The following VPS13C variants were observed in gnomAD, a reference collection of about 807,000 sequenced individuals.
VPS13C encodes intermembrane lipid transfer protein VPS13C.
Under a neutral mutation model 456.8 loss-of-function variants are expected in VPS13C, and 358 were observed. The ratio of observed to expected loss-of-function variants is 0.78; its 90% confidence interval spans 0.72 to 0.86. The LOEUF (loss-of-function observed/expected upper bound fraction) is 0.86. VPS13C is among the 40% of genes least tolerant of loss of function. The pLI, the probability that VPS13C is intolerant of heterozygous loss-of-function variation, is 0.00. For missense variants in VPS13C, 4,818 were observed against 4,385.4 expected, an observed-to-expected ratio of 1.10 and a Z score of -2.79; for synonymous variants, 1,578 against 1,486.7, an observed-to-expected ratio of 1.06 and a Z score of -1.41.
chr15:61,862,888 T>C (rs11629851), intron 82 of VPS13C, among the ~76,000 whole-genome samples: 8,756 of 152,198 alleles, frequency 0.058, 312 homozygotes, highest in Non-Finnish European at 0.08. Context: ...AAATTATTAA[T>C]ATATAATTGT....
intron 12 of VPS13C, 53 bp from the exon 13 acceptor site, chr15:62,010,652 C>T (rs1228423299): frequency 6.8e-7 from 1 of 1,470,868 alleles, no homozygotes; most frequent in African/African-American, 1.4e-5. Flanking sequence ...TACATATAAA[C>T]AAGTGTAAAT....
rs1224305513 is a variant in VPS13C, at chr15:61,884,156, C to A, written c.9455G>T (p.Gly3152Val). 4 of 1,600,874 alleles carry A rather than the reference C, an allele frequency of 2.5e-6. No homozygotes were observed. Among genetic ancestry groups the A allele is most frequent in the Non-Finnish European group, 3.4e-6 (4 of 1,175,168 alleles). The change falls in exon 68 of 85, where the codon GGC becomes GTC. Residue 3152 changes from glycine to valine, a missense_variant. Around this residue, in one of 3 missense-constraint regions of VPS13C, gnomAD observed 4,552 missense variants for 4,130.6 expected, o/e 1.10. Transcript: ENST00000644861. ...AAAATTATTATCTAGCTTAATCCAGCCATGGTCTCTTGATATTTGATGTTT... is the reference window on the plus strand; with the variant it reads ...AAAATTATTATCTAGCTTAATCCAGACATGGTCTCTTGATATTTGATGTTT... ...YQKHQISRDHGWIKLDNNFEV... is the reference protein window; with the variant it reads ...YQKHQISRDHVWIKLDNNFEV...
intron 3 of VPS13C, among the ~76,000 whole-genome samples, chr15:62,040,826 T>C (rs1456551304): frequency 1.3e-5 from 2 of 152,176 alleles, no homozygotes; most frequent in African/African-American, 4.8e-5. Flanking sequence ...AAGATATATA[T>C]TTACTTATAG....
intron 66 of VPS13C, among the ~76,000 whole-genome samples, chr15:61,901,126 CT>C (rs1190943621): frequency 5.3e-5 from 8 of 151,210 alleles, no homozygotes; most frequent in Non-Finnish European, 1.2e-4. Flanking sequence ...GGATTAAAGA[CT>C]TAAACGTTAG....
At chr15:62,005,401 C>T (rs2046797112) in intron 15 of VPS13C, among the ~76,000 whole-genome samples, 8 of 152,096 alleles carry the variant, frequency 5.3e-5, no homozygotes, top group Admixed American at 3.9e-4. Context: ...TATTTTGAGC[C>T]TATTTTTGTC....
Position 62,007,469 on chromosome 15 carries a change from C to T in VPS13C, c.1129G>A (p.Ala377Thr), listed in dbSNP as rs114643287. The T allele has an allele frequency of 1.3e-6, 2 of 1,573,554 alleles. No individual in the cohort carries two copies. Among genetic ancestry groups the T allele is most frequent in the African/African-American group, 2.7e-5 (2 of 73,472 alleles). Reference sequence around the variant, plus strand: ...TGAACTTCAAGAACAGAATCAATTGCATATTTCCACCTGAAAATCAAATTT... The same window carrying T: ...TGAACTTCAAGAACAGAATCAATTGTATATTTCCACCTGAAAATCAAATTT... ...HTNGRRWWKY[A>T]IDSVLEVHIR... is the part of the protein sequence containing the mutation. The change falls in exon 15 of 85, where the codon GCA becomes ACA. Residue 377 changes from alanine to threonine, a missense_variant. Ala to Thr is a moderately conservative substitution (Grantham distance 58, BLOSUM62 0). Transcript: ENST00000644861.
chr15:61,942,807 T>C (rs1212201102), intron 45 of VPS13C, among the ~76,000 whole-genome samples: 1 of 151,992 alleles, frequency 6.6e-6, no homozygotes, highest in African/African-American at 2.4e-5. Flanking sequence ...AAAGTAAACA[T>C]GATGGTTTAA....
intron 16 of VPS13C, among the ~76,000 whole-genome samples, chr15:61,994,665 C>A (rs1476642349): frequency 6.6e-6 from 1 of 151,806 alleles, no homozygotes; most frequent in African/African-American, 2.4e-5. Context: ...TCTCGGCTCA[C>A]TGCAACCTCC....
chr15:61,863,673 C>T, intron 81 of VPS13C, 145 bp from the exon 82 acceptor site: 1 of 479,646 alleles, frequency 2.1e-6, no homozygotes, highest in Non-Finnish European at 3.7e-6. Context: ...GTACATGAAG[C>T]TAGAAAAATA....
chr15:62,025,728 A>T (rs1266836232), intron 6 of VPS13C, among the ~76,000 whole-genome samples: 1 of 152,120 alleles, frequency 6.6e-6, no homozygotes, highest in African/African-American at 2.4e-5. Context: ...AATCCAATAA[A>T]TAATAAATTT....
intron 50 of VPS13C, among the ~76,000 whole-genome samples, chr15:61,930,889 T>C (rs1416302791): frequency 6.6e-6 from 1 of 152,242 alleles, no homozygotes; most frequent in East Asian, 1.9e-4. Context: ...TACTCCATTT[T>C]ATAATTAAAC....
chr15:61,984,122 T>C, intron 19 of VPS13C, 110 bp from the exon 20 acceptor site: 1 of 955,630 alleles, frequency 1.0e-6, no homozygotes, highest in Admixed American at 2.6e-5. Context: ...GGACCATCCA[T>C]GCACATTATC....
At chr15:61,881,949 G>A in intron 69 of VPS13C, 121 bp from the exon 70 acceptor site, 1 of 856,744 alleles carries the variant, frequency 1.2e-6, no homozygotes, top group Non-Finnish European at 1.8e-6. Flanking sequence ...TGTATATGCG[G>A]TGTAATTAGA....
Position 61,966,107 on chromosome 15 carries a change from A to T in VPS13C, c.3027T>A (p.Phe1009Leu), listed in dbSNP as rs1156793169. ...CCTTAACTGTTTGTTCAGTTTTTCC[A>T]AAAGCAGTTTGAAAACTAGGTCCAT... Reference protein sequence around the residue: ...DKNGPSFQTAFGKTEQTVKVA... With the variant: ...DKNGPSFQTALGKTEQTVKVA... The change falls in exon 30 of 85, where the codon TTT becomes TTA. Residue 1009 changes from phenylalanine to leucine, a missense_variant. Phe to Leu is a conservative substitution (Grantham distance 22). Transcript: ENST00000644861. 1 of 1,606,010 alleles carries T rather than the reference A, an allele frequency of 6.2e-7. No individual in the cohort carries two copies. The highest frequency in any genetic ancestry group is 1.3e-5 in the African/African-American group (1 of 74,642).
chr15:61,868,499 C>T (rs1477092368), intron 81 of VPS13C, among the ~76,000 whole-genome samples, 160 bp downstream of exon 81: 1 of 152,090 alleles, frequency 6.6e-6, no homozygotes, highest in Admixed American at 6.5e-5. Flanking sequence ...TTCCATTTAA[C>T]ACATGCTAAA....
chr15:61,957,122 AAAG>A (rs1327490348), intron 37 of VPS13C, among the ~76,000 whole-genome samples: 2 of 152,210 alleles, frequency 1.3e-5, no homozygotes, highest in Non-Finnish European at 2.9e-5. Context: ...ACAGAAATAA[AAAG>A]AACAAACTAC....
rs181359767 is a variant in VPS13C at position 61,882,625 on chromosome 15, T to C, written c.9595A>G (p.Ser3199Gly). 1.4e-4 allele frequency: 216 copies of C among 1,580,588 alleles called. No homozygotes were observed. The highest frequency in any genetic ancestry group is 6.3e-4 in the Admixed American group (35 of 55,530). Residue 3199 changes from serine (S) to glycine (G), a missense_variant, in exon 69 of 85, where the codon AGT (serine) becomes GGT (glycine). Ser to Gly is a moderately conservative substitution (Grantham distance 56, BLOSUM62 0). Transcript: ENST00000644861. ...IEFKQSSHQR[S>G]LRARLYWLQV... The stretch of plus-strand genomic sequence containing the variant: ...AGCCAGTACAACCTGGCCCTTAAAC[T>C]TCTCTGGTGAGAAGACTGCTTAAAT...
At chr15:62,012,885 T>C (rs143962314) in intron 11 of VPS13C, among the ~76,000 whole-genome samples, 154 bp downstream of exon 11, 48 of 152,022 alleles carry the variant, frequency 3.2e-4, no homozygotes, top group African/African-American at 9.6e-4. Context: ...TGAAGACACA[T>C]AGTGGATTTG....
Position 61,945,774 on chromosome 15 carries a change from T to G in VPS13C, c.5089A>C (p.Ser1697Arg), listed in dbSNP as rs2044583649. 6.2e-7 allele frequency: 1 copy of G among 1,610,980 alleles called. No homozygotes were observed. The highest frequency in any genetic ancestry group is 1.7e-5 in the Admixed American group (1 of 59,592). The change falls in exon 45 of 85, where the codon AGT becomes CGT. Residue 1697 changes from serine (S) to arginine (R), a missense_variant. Physicochemically the swap from Ser to Arg is moderately radical, Grantham distance 110 (BLOSUM62 -1). Transcript: ENST00000644861. ...ADMSKVDGKLSFKVGCIQIVY... is the reference protein window; with the variant it reads ...ADMSKVDGKLRFKVGCIQIVY... ...ATCTGAATACAACCCACTTTAAAAC[T>G]AAGTTTGCCGTCTACTTTGGACATA... is the stretch of plus-strand genomic sequence containing the variant.
Sources: gnomAD v4.1 joint callset for allele counts (sites outside exome capture counted in the v4.1 genomes callset) on GRCh38, gnomAD v4.1.1 for gene constraint, gnomAD v4.1.1 regional missense constraint, MANE v1.5 for transcripts, NCBI Gene and HGNC (gene_info 2026-07-23, HGNC 2026-07-21) for gene names.